CDKL1: variants seen among roughly 807,000 people sequenced by gnomAD.
CDKL1 encodes the protein cyclin-dependent kinase-like 1.
A neutral mutation model predicts 42.0 loss-of-function variants in CDKL1; 41 were observed. The observed-to-expected ratio is 0.98, with a 90% confidence interval of 0.76 to 1.27. CDKL1 has a LOEUF of 1.27. Among genes scored for constraint, CDKL1 ranks in the 50% most tolerant of loss-of-function variants. The pLI, the probability that CDKL1 is intolerant of heterozygous loss-of-function variation, is 0.00. For synonymous variants in CDKL1, 153 were observed against 158.6 expected, an observed-to-expected ratio of 0.96 and a Z score of 0.26; for missense variants, 394 against 428.4, an observed-to-expected ratio of 0.92 and a Z score of 0.71.
intron 2 of CDKL1, among the ~76,000 whole-genome samples, chr14:50,394,263 G>C (rs1009847423): frequency 2.0e-5 from 3 of 152,236 alleles, no homozygotes; most frequent in African/African-American, 7.2e-5. Flanking sequence ...TGTACAGAGA[G>C]GGTAAGGGTA....
chr14:50,376,016 GGACA>G (rs1251993707), intron 2 of CDKL1, among the ~76,000 whole-genome samples: 14 of 152,120 alleles, frequency 9.2e-5, no homozygotes, highest in Middle Eastern at 3.4e-3. Context: ...AGGAGGCTGC[GGACA>G]CAGCCTCCTC....
rs1345266074 is a variant in CDKL1 at position 50,327,136 on chromosome 14, TG to T, written c.*2937del. The T allele has an allele frequency of 2.0e-5, 3 of 151,952 alleles. No individual in the cohort carries two copies. The allele number at this position is 151,952 out of a possible 1,614,324, so 9.4% of individuals were successfully genotyped here. The stretch of plus-strand genomic sequence containing the variant: ...TGAGCCCAGGAGTTCAGGACGAGCC[TG>T]GGCAACATGGCAAAACCCTGTCTCT... On this transcript the variant is annotated 3_prime_UTR_variant, in exon 10 of 10. Coordinates refer to ENST00000395834, the MANE Select transcript of CDKL1 (RefSeq NM_004196.7).
At chr14:50,388,901 C>G (rs1042178461) in intron 2 of CDKL1, among the ~76,000 whole-genome samples, 1 of 151,542 alleles carries the variant, frequency 6.6e-6, no homozygotes, top group Admixed American at 6.6e-5. Context: ...AGTTTGAGAC[C>G]AGCCCGGACA....
intron 2 of CDKL1, among the ~76,000 whole-genome samples, chr14:50,383,915 C>G (rs1185001346): frequency 1.3e-5 from 2 of 152,134 alleles, no homozygotes; most frequent in African/African-American, 4.8e-5. Context: ...TAGGAGTTCA[C>G]TACACAGCCG....
chr14:50,343,053 G>A (rs1251141037), intron 4 of CDKL1: 2 of 1,331,482 alleles, frequency 1.5e-6, no homozygotes, highest in Non-Finnish European at 2.0e-6. Flanking sequence ...TCTTAAACAG[G>A]GTGATCTTAG....
At chr14:50,347,812 C>T (rs11621764) in intron 3 of CDKL1, among the ~76,000 whole-genome samples, 69,915 of 151,906 alleles carry the variant, frequency 0.46, 16,716 homozygotes, top group East Asian at 0.81. Flanking sequence ...AAGAGGAGCT[C>T]GGAAGGAAGC....
chr14:50,385,787 G>A (rs1008486995), intron 2 of CDKL1, among the ~76,000 whole-genome samples: 1 of 124,466 alleles, frequency 8.0e-6, no homozygotes. Flanking sequence ...CTAGGCAACA[G>A]AGCAAGACTC....
intron 7 of CDKL1, chr14:50,336,052 CT>C (rs2033253905): frequency 1.5e-6 from 2 of 1,366,262 alleles, no homozygotes; most frequent in African/African-American, 1.5e-5. Flanking sequence ...CTGAGCATCA[CT>C]GGGGTTTGAC....
intron 2 of CDKL1, among the ~76,000 whole-genome samples, chr14:50,374,568 G>A (rs2034677012): frequency 1.3e-5 from 2 of 152,206 alleles, no homozygotes; most frequent in South Asian, 4.1e-4. Context: ...TAAGCAAGGA[G>A]ACAAGGCTAG....
chr14:50,334,328 A>G (rs2033136494), intron 8 of CDKL1: 1 of 355,176 alleles, frequency 2.8e-6, no homozygotes, highest in Middle Eastern at 5.6e-4. Flanking sequence ...AATTTTTTTT[A>G]TTTTTAGTAG....
chr14:50,383,698 C>T (rs995684093), intron 2 of CDKL1, among the ~76,000 whole-genome samples: 1 of 152,152 alleles, frequency 6.6e-6, no homozygotes, highest in African/African-American at 2.4e-5. Context: ...ACAAAAATCA[C>T]TTTTCCTGCC....
chr14:50,331,878 C>G lies in CDKL1; in HGVS notation c.966+384G>C, dbSNP rs748068789. Reference sequence around the variant, plus strand: ...GAAAACAGCTCCTTTTTTGGACAAACCTGGAGTGTTAGTTTTAATACTAAA... The same window carrying G: ...GAAAACAGCTCCTTTTTTGGACAAAGCTGGAGTGTTAGTTTTAATACTAAA... On this transcript the variant is annotated intron_variant, in intron 9 of 9. Coordinates refer to ENST00000395834, the MANE Select transcript of CDKL1 (RefSeq NM_004196.7). 2.4e-4 allele frequency: 187 copies of G among 763,870 alleles called. 2 individuals are homozygous for G. Among genetic ancestry groups the G allele is most frequent in the Non-Finnish European group, 3.5e-4 (173 of 490,530 alleles). The allele number at this position is 763,870 out of a possible 1,614,324, so 47.3% of individuals were successfully genotyped here.
In CDKL1 at chr14:50,329,827, A is replaced by C. The variant is rs1336761253; in HGVS notation, c.*247T>G. The C allele has an allele frequency of 9.2e-6, 4 of 434,762 alleles. No homozygotes were observed. The highest frequency in any genetic ancestry group is 1.6e-5 in the Non-Finnish European group (4 of 243,972). The allele number at this position is 434,762 out of a possible 1,614,324, so 26.9% of individuals were successfully genotyped here. ...TCATATTCTGTCCATAAGTTCGGCT[A>C]CTTACATAAACTGAAATACAAGTGC... On this transcript the variant is annotated 3_prime_UTR_variant, in exon 10 of 10. Coordinates refer to ENST00000395834, the MANE Select transcript of CDKL1 (RefSeq NM_004196.7).
intron 2 of CDKL1, among the ~76,000 whole-genome samples, chr14:50,387,833 CT>C (rs1176658169): frequency 6.6e-6 from 1 of 152,206 alleles, no homozygotes; most frequent in Non-Finnish European, 1.5e-5. Flanking sequence ...AGAATGACCC[CT>C]ATTAGCAAAA....
chr14:50,336,275 C>T, intron 7 of CDKL1: 1 of 1,235,538 alleles, frequency 8.1e-7, no homozygotes, highest in Non-Finnish European at 1.0e-6. Context: ...TCCTGTGTTT[C>T]TGTCAACAGG....
chr14:50,360,410 A>C lies in CDKL1; in HGVS notation c.169-1261T>G, dbSNP rs927807318. On this transcript the variant is annotated intron_variant, in intron 2 of 9. Transcript: ENST00000395834. ...ATACCATTCCACTTTTTATTTATTT[A>C]TTTTATTTATTTTTTGAGACGGAGT... Among the ~76,000 whole-genome samples, 3 of 151,864 alleles carry C rather than the reference A, an allele frequency of 2.0e-5. 1 individual carries two copies.
chr14:50,395,844 T>C lies in CDKL1; in HGVS notation c.25A>G (p.Lys9Glu), dbSNP rs2035385822. The change falls in exon 2 of 10, where the codon AAA becomes GAA. Residue 9 changes from lysine (K) to glutamate (E), a missense_variant. Physicochemically the swap from Lys to Glu is moderately conservative, Grantham distance 56 (BLOSUM62 1). Transcript: ENST00000395834. ...ACTCCATAGGATCCTTCTCCAATTT[T>C]CCCAATTTTTTCATACTTCTCCATC... Reference protein sequence around the residue: MEKYEKIGKIGEGSYGVVF... With the variant: MEKYEKIGEIGEGSYGVVF... 1 of 1,612,038 alleles carries C rather than the reference T, an allele frequency of 6.2e-7. No individual in the cohort carries two copies. Among genetic ancestry groups the C allele is most frequent in the Non-Finnish European group, 8.5e-7 (1 of 1,178,154 alleles).
intron 2 of CDKL1, among the ~76,000 whole-genome samples, chr14:50,381,221 G>A (rs1463275705): frequency 1.3e-5 from 2 of 152,328 alleles, no homozygotes; most frequent in East Asian, 3.9e-4. Flanking sequence ...TTGTGTACAT[G>A]TGTCCAGTTC....
In CDKL1 at chr14:50,336,247, A is replaced by G. The variant is rs564868393; in HGVS notation, c.739-1626T>C. 6.8e-5 allele frequency: 88 copies of G among 1,289,130 alleles called. No individual in the cohort carries two copies. The East Asian group carries it at 2.9e-3, about 42-fold the overall frequency. The allele number at this position is 1,289,130 out of a possible 1,614,324, so 79.9% of individuals were successfully genotyped here. A position where few individuals can be genotyped will look rare whatever the true frequency, so the allele number is the denominator to read the frequency against. ...TGGGGCACAGATGTTCAACCAGTGC[A>G]GCCCCCGCACTGCCTCTTCCTGTGT... On this transcript the variant is annotated intron_variant, in intron 7 of 9. Coordinates refer to ENST00000395834, the MANE Select transcript of CDKL1 (RefSeq NM_004196.7).
Sources: allele counts gnomAD v4.1 joint callset (sites outside exome capture counted in the v4.1 genomes callset), GRCh38; gene constraint gnomAD v4.1.1; transcripts MANE v1.5; gene names NCBI Gene and HGNC (gene_info 2026-07-23, HGNC 2026-07-21).